AGAP6: variants seen among roughly 807,000 people sequenced by gnomAD.
AGAP6 encodes the protein arf-GAP with GTPase, ANK repeat and PH domain-containing protein 6.
Under a neutral mutation model 63.9 loss-of-function variants are expected in AGAP6, and 29 were observed. The observed-to-expected ratio is 0.45, with a 90% CI of 0.34 to 0.62. AGAP6 has a LOEUF of 0.62. Among genes scored for constraint, AGAP6 ranks in the 20% least tolerant of loss-of-function variants. The pLI, the probability that AGAP6 is intolerant of heterozygous loss-of-function variation, is 0.01. For synonymous variants in AGAP6, 199 were observed against 332.9 expected (o/e 0.60, Z 4.38); for missense variants, 493 against 884.9 (o/e 0.56, Z 5.62).
At chr10:50,002,165 C>G in intron 5 of AGAP6, 69 bp downstream of exon 5, 1 of 1,477,352 alleles carries the variant, frequency 6.8e-7, no homozygotes, top group Non-Finnish European at 9.2e-7. Flanking sequence ...TTTGGTTGTC[C>G]TTTTCAGCAA....
At chr10:49,995,875 T>A (rs1402971931) in intron 4 of AGAP6, among the ~76,000 whole-genome samples, 1 of 152,232 alleles carries the variant, frequency 6.6e-6, no homozygotes, top group Non-Finnish European at 1.5e-5. Flanking sequence ...TTCTTGAATC[T>A]ATTGCCAGTG....
chr10:50,006,236 A>C (rs1841910523), intron 6 of AGAP6, among the ~76,000 whole-genome samples: 1 of 152,244 alleles, frequency 6.6e-6, no homozygotes, highest in Admixed American at 6.5e-5. Flanking sequence ...TAGTTGAACC[A>C]CCAATCTTAC....
chr10:49,989,460 A>G, intron 2 of AGAP6, 84 bp downstream of exon 2: 1 of 1,582,888 alleles, frequency 6.3e-7, no homozygotes, highest in Admixed American at 1.7e-5. Context: ...TCCTTTTCTC[A>G]GTAAAAACTC....
intron 5 of AGAP6, among the ~76,000 whole-genome samples, chr10:50,003,806 C>T (rs1196702702): frequency 6.6e-6 from 1 of 152,134 alleles, no homozygotes; most frequent in Non-Finnish European, 1.5e-5. Flanking sequence ...ATCTGTAAAA[C>T]GAGTGTTGAA....
intron 7 of AGAP6, among the ~76,000 whole-genome samples, chr10:50,008,298 CTTT>C (rs1181143677): frequency 1.7e-5 from 2 of 118,182 alleles, no homozygotes; most frequent in African/African-American, 6.5e-5. Context: ...GAAGATGTAT[CTTT>C]TTTTTTTTTT....
intron 2 of AGAP6, among the ~76,000 whole-genome samples, chr10:49,990,543 C>T (rs1456296230): frequency 2.6e-5 from 4 of 152,268 alleles, no homozygotes; most frequent in East Asian, 1.9e-4. Context: ...ACAATTAGTT[C>T]GTTTGCCTCA....
intron 4 of AGAP6, among the ~76,000 whole-genome samples, chr10:49,995,458 C>A (rs1156631963): frequency 6.6e-6 from 1 of 152,130 alleles, no homozygotes; most frequent in African/African-American, 2.4e-5. Flanking sequence ...AGCTGTTTTT[C>A]CCCCAAGTAT....
intron 5 of AGAP6, among the ~76,000 whole-genome samples, chr10:50,004,058 G>T (rs1188535769): frequency 6.6e-6 from 1 of 152,144 alleles, no homozygotes; most frequent in African/African-American, 2.4e-5. Context: ...GGTGGCACAT[G>T]CCTGTAATCC....
intron 4 of AGAP6, among the ~76,000 whole-genome samples, chr10:50,001,186 C>T (rs1841679765): frequency 6.8e-6 from 1 of 147,492 alleles, no homozygotes; most frequent in East Asian, 2.1e-4. Context: ...AAAAGTTAGC[C>T]GGGCATGGTG....
chr10:49,998,009 T>C lies in AGAP6; in HGVS notation c.396+3580T>C, dbSNP rs1280236778. Among the ~76,000 whole-genome samples, 18 of 137,744 alleles carry C rather than the reference T, an allele frequency of 1.3e-4. 4 individuals carry two copies. Among genetic ancestry groups the C allele is most frequent in the African/African-American group, 4.5e-4 (16 of 35,442 alleles). The allele number at this position is 137,744 out of a possible 152,430, so 90.4% of individuals were successfully genotyped here. The stretch of plus-strand genomic sequence containing the variant: ...AATTCCTCATATATATATATATATA[T>C]ATATATGTATGTATATCACGGTTTC... On this transcript the variant is annotated intron_variant, in intron 4 of 7. Coordinates refer to ENST00000412531, the MANE Select transcript of AGAP6 (RefSeq NM_001077665.3).
chr10:49,994,953 C>G (rs193112506), intron 4 of AGAP6, among the ~76,000 whole-genome samples: 3,445 of 130,104 alleles, frequency 0.026, 58 homozygotes, highest in South Asian at 0.079. Flanking sequence ...CAGAGCGAAA[C>G]TCTGTCTCAA....
rs782593225 is a variant in AGAP6, at chr10:49,998,237, T to TTTAGTTA, written c.397-3759_397-3758insTTAGTTA. ...AGAAGCTCTTTAGTTAAGTCTCACC[T>TTTAGTTA]ATTTGTTTCTGTTGCATTTGCTTTT... On this transcript the variant is annotated intron_variant, in intron 4 of 7. Coordinates refer to ENST00000412531, the MANE Select transcript of AGAP6 (RefSeq NM_001077665.3). Among the ~76,000 whole-genome samples the TTTAGTTA allele has an allele frequency of 1.4e-3, 158 of 109,336 alleles. 3 individuals carry two copies. Among genetic ancestry groups the TTTAGTTA allele is most frequent in the East Asian group, 7.3e-3 (22 of 3,014 alleles). The allele number at this position is 109,336 out of a possible 152,430, so 71.7% of individuals were successfully genotyped here. A position where few individuals can be genotyped will look rare whatever the true frequency, so the allele number is the denominator to read the frequency against.
intron 4 of AGAP6, among the ~76,000 whole-genome samples, chr10:49,998,939 C>T (rs1359486489): frequency 7.1e-6 from 1 of 141,248 alleles, no homozygotes; most frequent in African/African-American, 2.7e-5. Context: ...TCCGGCCAGG[C>T]ACGGTGGCTC....
chr10:50,001,482 C>T (rs1266319905), intron 4 of AGAP6, among the ~76,000 whole-genome samples: 3 of 101,858 alleles, frequency 2.9e-5, no homozygotes, highest in Non-Finnish European at 4.3e-5. Context: ...TGCAGTGGCG[C>T]GAACTCGGCT....
chr10:49,989,643 G>A (rs556640470), intron 2 of AGAP6, among the ~76,000 whole-genome samples: 4 of 152,014 alleles, frequency 2.6e-5, no homozygotes, highest in Non-Finnish European at 5.9e-5. Flanking sequence ...CAGAATGGAG[G>A]TTGCCACGGG....
Position 50,008,776 on chromosome 10 carries a change from C to G in AGAP6, c.651C>G (p.Ser217=), listed in dbSNP as rs1554864490. ...GGAGTTTAAATAACTATTCCTCCTCCATTCCATCGACTCCCAGCACCAGCC... is the reference window on the plus strand; with the variant it reads ...GGAGTTTAAATAACTATTCCTCCTCGATTCCATCGACTCCCAGCACCAGCC... The part of the protein sequence containing the change: ...GGGSLNNYSS[S]IPSTPSTSQE... The change falls in exon 8 of 8, where the codon TCC becomes TCG. Residue 217 remains serine, a synonymous_variant. Coordinates refer to ENST00000412531, the MANE Select transcript of AGAP6 (RefSeq NM_001077665.3). The G allele has an allele frequency of 6.2e-7, 1 of 1,614,054 alleles. No homozygotes were observed.
chr10:49,997,855 C>G (rs1264095496), intron 4 of AGAP6, among the ~76,000 whole-genome samples: 1 of 144,972 alleles, frequency 6.9e-6, no homozygotes, highest in Non-Finnish European at 1.5e-5. Context: ...CATAGCTCAG[C>G]TCCCACGTAT....
intron 4 of AGAP6, among the ~76,000 whole-genome samples, chr10:50,001,295 A>G (rs1207528510): frequency 6.0e-5 from 9 of 150,966 alleles, no homozygotes; most frequent in Non-Finnish European, 1.2e-4. Flanking sequence ...GCACCACTGC[A>G]CTCCAGCCTG....
At chr10:49,994,575 G>A (rs1321425907) in intron 4 of AGAP6, 146 bp downstream of exon 4, 3 of 1,209,216 alleles carry the variant, frequency 2.5e-6, no homozygotes, top group Non-Finnish European at 3.3e-6. Flanking sequence ...ATTTTCCTGA[G>A]TATTAAATTT....
Sources: gnomAD v4.1 joint callset for allele counts (sites outside exome capture counted in the v4.1 genomes callset) on GRCh38, gnomAD v4.1.1 for gene constraint, MANE v1.5 for transcripts, NCBI Gene and HGNC (gene_info 2026-07-23, HGNC 2026-07-21) for gene names.